The following CMSS1 variants were observed in gnomAD, a reference collection of about 807,000 sequenced individuals.
CMSS1 encodes protein CMSS1.
CMSS1 carries 33 observed loss-of-function variants against 43.5 expected under a neutral mutation model. That is an observed-to-expected ratio of 0.76 (90% CI 0.57 to 1.01). The LOEUF (loss-of-function observed/expected upper bound fraction) is 1.01. Ranked by LOEUF, CMSS1 falls within the 50% of genes least tolerant of loss-of-function variation. The pLI is 0.00. For synonymous variants in CMSS1, 115 were observed against 117.2 expected (o/e 0.98, Z 0.12); for missense variants, 313 against 326.4 (o/e 0.96, Z 0.32).
intron 1 of CMSS1, among the ~76,000 whole-genome samples, chr3:100,020,212 C>G (rs1163152151): frequency 6.6e-6 from 1 of 152,078 alleles, no homozygotes; most frequent in Admixed American, 6.6e-5. Flanking sequence ...GCTCCCACAC[C>G]CTCTTTCTGT....
chr3:99,959,224 C>T (rs953604286), intron 1 of CMSS1, among the ~76,000 whole-genome samples: 1 of 152,218 alleles, frequency 6.6e-6, no homozygotes, highest in Non-Finnish European at 1.5e-5. Flanking sequence ...CTTCAGCTCA[C>T]TGCAACCTCC....
intron 1 of CMSS1, among the ~76,000 whole-genome samples, chr3:99,908,866 T>A (rs1302791576): frequency 6.6e-6 from 1 of 152,042 alleles, no homozygotes; most frequent in African/African-American, 2.4e-5. Context: ...CAAAAAAAAA[T>A]TCCTATTGTG....
At chr3:99,904,806 TC>T (rs1417189559) in intron 1 of CMSS1, among the ~76,000 whole-genome samples, 1 of 152,152 alleles carries the variant, frequency 6.6e-6, no homozygotes, top group African/African-American at 2.4e-5. Context: ...AGTTGGCTTT[TC>T]CCCCTAATTT....
rs149734664 is a variant in CMSS1, at chr3:99,981,033, G to T, written c.64+162990G>T. The stretch of plus-strand genomic sequence containing the variant: ...AATGAAGAGACAATTGGTCTTGCTA[G>T]TGAAATACAGGGGTGAGGGAAGAGG... On this transcript the variant is annotated intron_variant, in intron 1 of 9. Coordinates refer to ENST00000421999, the MANE Select transcript of CMSS1 (RefSeq NM_032359.4). Among the ~76,000 whole-genome samples the T allele has an allele frequency of 6.8e-3, 1,032 of 152,282 alleles. 3 individuals are homozygous for T. Among genetic ancestry groups the T allele is most frequent in the African/African-American group, 8.5e-3 (353 of 41,558 alleles).
chr3:100,127,011 G>A (rs1015024164), intron 1 of CMSS1, among the ~76,000 whole-genome samples: 4 of 150,078 alleles, frequency 2.7e-5, no homozygotes, highest in Non-Finnish European at 6.0e-5. Flanking sequence ...AAAAAAAAAA[G>A]AAAGTTGGGC....
intron 1 of CMSS1, among the ~76,000 whole-genome samples, chr3:99,972,949 T>A (rs1708865278): frequency 6.6e-6 from 1 of 152,214 alleles, no homozygotes; most frequent in South Asian, 2.1e-4. Context: ...AGAGCATCTT[T>A]TGATCTTCAC....
At chr3:99,906,478 G>T (rs1706622425) in intron 1 of CMSS1, among the ~76,000 whole-genome samples, 1 of 151,954 alleles carries the variant, frequency 6.6e-6, no homozygotes, top group Non-Finnish European at 1.5e-5. Context: ...TCTGTAACTT[G>T]CCTTTTCATC....
intron 1 of CMSS1, among the ~76,000 whole-genome samples, chr3:100,126,077 C>G (rs2066659881): frequency 6.6e-6 from 1 of 152,214 alleles, no homozygotes; most frequent in Non-Finnish European, 1.5e-5. Context: ...GGCTTTGTCT[C>G]TTCCCCTGTA....
intron 2 of CMSS1, among the ~76,000 whole-genome samples, chr3:100,159,087 G>A (rs1202363986): frequency 6.6e-6 from 1 of 152,190 alleles, no homozygotes; most frequent in Non-Finnish European, 1.5e-5. Flanking sequence ...CATATTAGTG[G>A]CCTTGGCACA....
At chr3:100,085,638 G>A (rs189052151) in intron 1 of CMSS1, among the ~76,000 whole-genome samples, 9 of 152,168 alleles carry the variant, frequency 5.9e-5, no homozygotes, top group East Asian at 1.9e-4. Flanking sequence ...CAGGCTTTCC[G>A]TCTCTCATGA....
At chr3:99,824,131 C>G (rs1420035681) in intron 1 of CMSS1, among the ~76,000 whole-genome samples, 1 of 152,054 alleles carries the variant, frequency 6.6e-6, no homozygotes, top group African/African-American at 2.4e-5. Context: ...CCATGTTGAC[C>G]AGGCTGATCT....
chr3:99,853,862 GA>G (rs1160389263), intron 1 of CMSS1, among the ~76,000 whole-genome samples: 2 of 152,156 alleles, frequency 1.3e-5, no homozygotes, highest in African/African-American at 4.8e-5. Context: ...TTTATATGCA[GA>G]AAAAACTATA....
chr3:100,073,539 A>T (rs1255802410), intron 1 of CMSS1, among the ~76,000 whole-genome samples: 1 of 152,230 alleles, frequency 6.6e-6, no homozygotes, highest in African/African-American at 2.4e-5. Context: ...TCTTGAATCC[A>T]AAAAGAAATA....
chr3:99,930,032 G>GT, intron 1 of CMSS1: 5 of 1,593,848 alleles, frequency 3.1e-6, no homozygotes, highest in Non-Finnish European at 4.3e-6. Context: ...TCTCGAGCCT[G>GT]TAGGAACAAA....
intron 1 of CMSS1, among the ~76,000 whole-genome samples, chr3:100,032,045 A>G (rs1325493670): frequency 6.6e-6 from 1 of 152,158 alleles, no homozygotes; most frequent in Non-Finnish European, 1.5e-5. Flanking sequence ...ATGCTTTCAG[A>G]TTATATAAAG....
intron 1 of CMSS1, among the ~76,000 whole-genome samples, chr3:99,843,797 G>A (rs1943239500): frequency 1.3e-5 from 2 of 152,120 alleles, no homozygotes; most frequent in South Asian, 4.1e-4. Context: ...GCAAGCAGAA[G>A]GTGAGTGGCA....
At chr3:99,904,023 A>G (rs1362765429) in intron 1 of CMSS1, among the ~76,000 whole-genome samples, 1 of 152,218 alleles carries the variant, frequency 6.6e-6, no homozygotes, top group Non-Finnish European at 1.5e-5. Context: ...TGAGATATGC[A>G]TCTTGTTTTT....
Position 100,121,045 on chromosome 3 carries a change from A to G in CMSS1, c.65-25928A>G, listed in dbSNP as rs2066614874. ...CCCTGTATTTGACATAAAACCTTAG[A>G]TAAACCACTTACGTCACAGCTTCTC... On this transcript the variant is annotated intron_variant, in intron 1 of 9. Transcript: ENST00000421999. 2.0e-5 allele frequency among the ~76,000 whole-genome samples: 3 copies of G among 152,164 alleles called. No individual in the cohort carries two copies. In the South Asian group the frequency reaches 6.2e-4, roughly 32 times the overall value.
intron 1 of CMSS1, chr3:100,023,396 C>A (rs143744396): frequency 6.6e-6 from 1 of 152,582 alleles, no homozygotes; most frequent in Non-Finnish European, 1.5e-5. Flanking sequence ...AGTCAGAAAC[C>A]ACAGATTGTT....
Sources: allele counts gnomAD v4.1 joint callset (sites outside exome capture counted in the v4.1 genomes callset), GRCh38; gene constraint gnomAD v4.1.1; transcripts MANE v1.5; gene names NCBI Gene and HGNC (gene_info 2026-07-23, HGNC 2026-07-21).